Variants in TMTC1 observed in about 807,000 individuals in gnomAD.
TMTC1 encodes transmembrane O-mannosyltransferase targeting cadherins 1, also known as protein O-mannosyl-transferase TMTC1.
TMTC1 carries 73 observed loss-of-function variants against 104.8 expected under a neutral mutation model. The ratio of observed to expected loss-of-function variants is 0.70; its 90% confidence interval spans 0.58 to 0.85. The LOEUF (loss-of-function observed/expected upper bound fraction) is 0.85. TMTC1 is among the 40% of genes least tolerant of loss of function. The pLI, the probability that TMTC1 is intolerant of heterozygous loss-of-function variation, is 0.00. For synonymous variants in TMTC1, 434 were observed against 428.7 expected (o/e 1.01, Z -0.15); for missense variants, 1,035 against 1,096.1 (o/e 0.94, Z 0.79).
chr12:29,762,110 T>C (rs370928044), intron 2 of TMTC1, among the ~76,000 whole-genome samples: 1 of 151,962 alleles, frequency 6.6e-6, no homozygotes, highest in African/African-American at 2.4e-5. Context: ...GCCCAGGAGG[T>C]AGAGGCTGCA....
At chr12:29,756,832 A>G (rs1943227083) in intron 3 of TMTC1, among the ~76,000 whole-genome samples, 1 of 152,170 alleles carries the variant, frequency 6.6e-6, no homozygotes. Flanking sequence ...TTTGCAGTAG[A>G]GAGGCATTTT....
rs184964869 is a variant in TMTC1 at position 29,759,405 on chromosome 12, G to A, written c.481-628C>T. Among the ~76,000 whole-genome samples the A allele has an allele frequency of 4.4e-3, 671 of 152,296 alleles. 3 individuals are homozygous for A. Among genetic ancestry groups the A allele is most frequent in the Non-Finnish European group, 7.4e-3 (505 of 68,028 alleles). ...CCAGTTACTCAGGAGGCTGAGGTGG[G>A]AGGACTGCTTGAGCCCTGGAGGTCA... On this transcript the variant is annotated intron_variant, in intron 2 of 17. Coordinates refer to ENST00000539277, the MANE Select transcript of TMTC1 (RefSeq NM_001193451.2).
chr12:29,534,647 C>T (rs1197679508), intron 11 of TMTC1: 3 of 152,280 alleles, frequency 2.0e-5, no homozygotes, highest in Non-Finnish European at 2.9e-5. Context: ...AAACTTCCAT[C>T]TGCTACAAAA....
chr12:29,573,947 C>G (rs1236813047), intron 8 of TMTC1, among the ~76,000 whole-genome samples: 3 of 152,000 alleles, frequency 2.0e-5, no homozygotes, highest in South Asian at 4.2e-4. Context: ...TGGAGACCTC[C>G]TGGGGGACTA....
intron 1 of TMTC1, among the ~76,000 whole-genome samples, chr12:29,780,844 T>TA: frequency 6.6e-6 from 1 of 152,180 alleles, no homozygotes; most frequent in East Asian, 1.9e-4. Context: ...ACAATTACAT[T>TA]AAAAAAGTTT....
intron 10 of TMTC1, among the ~76,000 whole-genome samples, chr12:29,550,249 A>G (rs1945058205): frequency 6.6e-6 from 1 of 152,090 alleles, no homozygotes; most frequent in African/African-American, 2.4e-5. Context: ...AAATGTTGGT[A>G]AAAGTGTGAA....
At chr12:29,695,760 T>C (rs1353078371) in intron 5 of TMTC1, among the ~76,000 whole-genome samples, 2 of 145,004 alleles carry the variant, frequency 1.4e-5, no homozygotes, top group Non-Finnish European at 3.0e-5. Context: ...ATCAATAAGA[T>C]TTACTTCTCA....
chr12:29,728,594 GA>G (rs1438611964), intron 5 of TMTC1, among the ~76,000 whole-genome samples: 7 of 152,088 alleles, frequency 4.6e-5, no homozygotes, highest in Non-Finnish European at 5.9e-5. Flanking sequence ...CAAAGCAGAT[GA>G]GCAGCATTTG....
intron 1 of TMTC1, among the ~76,000 whole-genome samples, chr12:29,781,258 T>A (rs1414783460): frequency 6.6e-6 from 1 of 152,230 alleles, no homozygotes; most frequent in East Asian, 1.9e-4. Flanking sequence ...CTCTTCTAGA[T>A]TTGCAACTCA....
chr12:29,597,040 T>C (rs1236118345), intron 7 of TMTC1, among the ~76,000 whole-genome samples: 1 of 152,120 alleles, frequency 6.6e-6, no homozygotes, highest in African/African-American at 2.4e-5. Flanking sequence ...CAGGCTAATA[T>C]CTAACCTGTT....
intron 9 of TMTC1, among the ~76,000 whole-genome samples, chr12:29,561,988 T>C (rs957406616): frequency 1.3e-5 from 2 of 152,200 alleles, no homozygotes; most frequent in African/African-American, 4.8e-5. Context: ...TCCACTGGAC[T>C]GAAAAATATA....
At chr12:29,512,163 CA>C (rs2136135104) in intron 16 of TMTC1, 43 bp from the exon 17 acceptor site, 1 of 1,516,354 alleles carries the variant, frequency 6.6e-7, no homozygotes, top group Non-Finnish European at 9.0e-7. Context: ...AACAAACCTC[CA>C]AACTCCAGGA....
At chr12:29,675,589 T>TACACACACACACACACAC in intron 5 of TMTC1, among the ~76,000 whole-genome samples, 1 of 116,626 alleles carries the variant, frequency 8.6e-6, no homozygotes, top group Non-Finnish European at 1.9e-5. Flanking sequence ...CACATGCAAA[T>TACACACACACACACACAC]ACACACACAC....
chr12:29,569,119 T>C lies in TMTC1; in HGVS notation c.1532+2986A>G, dbSNP rs571234602. On this transcript the variant is annotated intron_variant, in intron 9 of 17. Coordinates refer to ENST00000539277, the MANE Select transcript of TMTC1 (RefSeq NM_001193451.2). ...GAATCTTAAACTGAATACGTGACCTTAGATGCAATATTTTCCAGGGGAGAT... is the reference window on the plus strand; with the variant it reads ...GAATCTTAAACTGAATACGTGACCTCAGATGCAATATTTTCCAGGGGAGAT... 57 of 382,796 alleles carry C rather than the reference T, an allele frequency of 1.5e-4. 1 individual carries two copies. Among genetic ancestry groups the C allele is most frequent in the South Asian group, 1.1e-3 (55 of 50,820 alleles). The allele number at this position is 382,796 out of a possible 1,614,324, so 23.7% of individuals were successfully genotyped here. A position where few individuals can be genotyped will look rare whatever the true frequency, so the allele number is the denominator to read the frequency against.
chr12:29,677,276 A>AT (rs1373337400), intron 5 of TMTC1, among the ~76,000 whole-genome samples: 2 of 152,072 alleles, frequency 1.3e-5, no homozygotes, highest in Non-Finnish European at 2.9e-5. Flanking sequence ...GTACCTTGTG[A>AT]TTTTTTTGTT....
At chr12:29,710,887 T>A (rs1449555325) in intron 5 of TMTC1, among the ~76,000 whole-genome samples, 10 of 130,162 alleles carry the variant, frequency 7.7e-5, no homozygotes, top group South Asian at 2.2e-4. Flanking sequence ...AATTATATTA[T>A]TAATATATAA....
chr12:29,684,721 G>C (rs1941035810), intron 5 of TMTC1, among the ~76,000 whole-genome samples: 1 of 152,134 alleles, frequency 6.6e-6, no homozygotes, highest in Non-Finnish European at 1.5e-5. Context: ...ATGAGCTGTA[G>C]CTGTAATGAG....
chr12:29,770,627 TC>T (rs1943573885), intron 1 of TMTC1, among the ~76,000 whole-genome samples: 2 of 151,756 alleles, frequency 1.3e-5, no homozygotes, highest in Non-Finnish European at 2.9e-5. Context: ...GAATGAGGAG[TC>T]CCCGCAGTAA....
At chr12:29,664,148 C>T (rs1008361895) in intron 5 of TMTC1, among the ~76,000 whole-genome samples, 1 of 150,510 alleles carries the variant, frequency 6.6e-6, no homozygotes, top group Non-Finnish European at 1.5e-5. Flanking sequence ...GATCCCGCCA[C>T]TGCACTCCAG....
Sources: allele counts gnomAD v4.1 joint callset (sites outside exome capture counted in the v4.1 genomes callset), GRCh38; gene constraint gnomAD v4.1.1; transcripts MANE v1.5; gene names NCBI Gene and HGNC (gene_info 2026-07-23, HGNC 2026-07-21).